FBXO28: variants seen among roughly 807,000 people sequenced by gnomAD.
FBXO28 encodes the protein F-box only protein 28.
FBXO28 carries 8 observed loss-of-function variants against 38.1 expected under a neutral mutation model. The ratio of observed to expected loss-of-function variants is 0.21; its 90% CI spans 0.12 to 0.38. FBXO28 has a LOEUF of 0.38. FBXO28 is among the 10% of genes least tolerant of loss of function. The pLI is 1.00. For missense variants in FBXO28, 345 were observed against 460.6 expected (o/e 0.75, Z 2.30); for synonymous variants, 168 against 173.8 (o/e 0.97, Z 0.26).
In FBXO28 at chr1:224,114,123, C is replaced by G. The variant is rs1451303604; in HGVS notation, c.-7C>G. 6.5e-7 allele frequency: 1 copy of G among 1,536,020 alleles called. No individual in the cohort carries two copies. ...TTGCTGTGGGGGTAAGGAATCAAGC[C>G]CCCAAGATGGCGGCAGCGGCGGAGG... On this transcript the variant is annotated 5_prime_UTR_variant, in exon 1 of 5. Transcript: ENST00000366862.
chr1:224,154,640 C>T (rs1657726936), intron 4 of FBXO28, among the ~76,000 whole-genome samples: 1 of 149,902 alleles, frequency 6.7e-6, no homozygotes, highest in South Asian at 2.1e-4. Context: ...AACCCCGTCT[C>T]TACTAAAAAT....
At chr1:224,119,338 C>T (rs1052582087) in intron 1 of FBXO28, among the ~76,000 whole-genome samples, 2 of 151,310 alleles carry the variant, frequency 1.3e-5, no homozygotes, top group Non-Finnish European at 2.9e-5. Flanking sequence ...GGGGTTTCAC[C>T]GTGTTAGCCA....
At chr1:224,121,564 A>G (rs1246494501) in intron 1 of FBXO28, among the ~76,000 whole-genome samples, 1 of 152,202 alleles carries the variant, frequency 6.6e-6, no homozygotes, top group Non-Finnish European at 1.5e-5. Flanking sequence ...ATCACAGCTC[A>G]CTGCAGCCTC....
chr1:224,138,868 G>A (rs1002300098), intron 3 of FBXO28, among the ~76,000 whole-genome samples: 5 of 151,504 alleles, frequency 3.3e-5, no homozygotes, highest in Non-Finnish European at 4.4e-5. Context: ...TGCAACCTCC[G>A]CCTCCTGGGT....
intron 1 of FBXO28, among the ~76,000 whole-genome samples, chr1:224,118,033 T>A (rs1477581809): frequency 4.7e-5 from 7 of 150,234 alleles, no homozygotes; most frequent in Admixed American, 4.6e-4. Context: ...TTATTTATTT[T>A]TAATTTTTGA....
intron 3 of FBXO28, among the ~76,000 whole-genome samples, chr1:224,152,449 AT>A (rs1423576139): frequency 6.6e-6 from 1 of 152,158 alleles, no homozygotes; most frequent in Non-Finnish European, 1.5e-5. Context: ...ACAGGATTTA[AT>A]TTCTTAGTTT....
At chr1:224,152,925 CAAAAAAAAA>C (rs57616453) in intron 3 of FBXO28, among the ~76,000 whole-genome samples, 178 of 64,912 alleles carry the variant, frequency 2.7e-3, no homozygotes, top group African/African-American at 0.01. Context: ...AACTCTGTCT[CAAAAAAAAA>C]AAAAAAAAAA....
intron 3 of FBXO28, among the ~76,000 whole-genome samples, chr1:224,136,123 A>G (rs867085651): frequency 5.0e-3 from 8 of 1,586 alleles, no homozygotes; most frequent in Non-Finnish European, 0.014. Flanking sequence ...TTTTTTTTTG[A>G]GATGGTGTCG....
intron 1 of FBXO28, among the ~76,000 whole-genome samples, chr1:224,126,810 AAAAT>A (rs1323470680): frequency 2.4e-4 from 36 of 152,318 alleles, no homozygotes; most frequent in Admixed American, 1.1e-3. Context: ...ACTCCCTCTA[AAAAT>A]AAATAAATAA....
intron 1 of FBXO28, among the ~76,000 whole-genome samples, chr1:224,116,554 A>T (rs1041968523): frequency 1.3e-5 from 2 of 152,190 alleles, no homozygotes; most frequent in Non-Finnish European, 2.9e-5. Context: ...GGGTAATATT[A>T]AGAACAGAAT....
In FBXO28 at chr1:224,161,540, A is replaced by G. The variant is rs1157885697; in HGVS notation, c.*3794A>G. The G allele has an allele frequency of 6.6e-6, 1 of 152,214 alleles. No homozygotes were observed. Among genetic ancestry groups the G allele is most frequent in the Non-Finnish European group, 1.5e-5 (1 of 68,034 alleles). 9.4% of individuals were successfully genotyped at this position (152,214 alleles called of 1,614,324 possible). A position where few individuals can be genotyped will look rare whatever the true frequency, so the allele number is the denominator to read the frequency against. ...AAAGGTTAAGTTAAAACTACTTTAA[A>G]CTTGTATAGCCTGCCATCTGAGGTG... On this transcript the variant is annotated 3_prime_UTR_variant, in exon 5 of 5. Transcript: ENST00000366862.
At chr1:224,116,071 T>G (rs533067037) in intron 1 of FBXO28, among the ~76,000 whole-genome samples, 3 of 152,328 alleles carry the variant, frequency 2.0e-5, no homozygotes, top group African/African-American at 7.2e-5. Context: ...AAATTTATAA[T>G]TTCAAACTCA....
chr1:224,142,290 T>C (rs1270168706), intron 3 of FBXO28, among the ~76,000 whole-genome samples: 1 of 149,964 alleles, frequency 6.7e-6, no homozygotes, highest in African/African-American at 2.5e-5. Context: ...AGGTAGAGGT[T>C]GCAGTGAGCT....
chr1:224,122,589 G>C (rs1047795014), intron 1 of FBXO28, among the ~76,000 whole-genome samples: 1 of 150,544 alleles, frequency 6.6e-6, no homozygotes, highest in African/African-American at 2.4e-5. Flanking sequence ...TCATGCCATT[G>C]ACTTTTTTTT....
chr1:224,136,295 G>A (rs1347751470), intron 3 of FBXO28, among the ~76,000 whole-genome samples: 2 of 151,162 alleles, frequency 1.3e-5, no homozygotes, highest in East Asian at 1.9e-4. Flanking sequence ...ATAAGGATGC[G>A]GCATTTAATT....
intron 3 of FBXO28, among the ~76,000 whole-genome samples, chr1:224,152,019 A>G (rs887336494): frequency 6.6e-6 from 1 of 151,506 alleles, no homozygotes; most frequent in Non-Finnish European, 1.5e-5. Context: ...TCCAGCCTGG[A>G]CAACACAGTG....
chr1:224,115,283 A>G (rs1325058710), intron 1 of FBXO28, among the ~76,000 whole-genome samples: 4 of 152,198 alleles, frequency 2.6e-5, no homozygotes, highest in African/African-American at 7.2e-5. Context: ...CTGCCTTTCA[A>G]TGAAATTATC....
intron 1 of FBXO28, among the ~76,000 whole-genome samples, chr1:224,116,410 A>G (rs912227816): frequency 1.3e-5 from 2 of 152,330 alleles, no homozygotes; most frequent in Middle Eastern, 3.4e-3. Context: ...TTAAGTAGCC[A>G]TTTATACCTA....
At chr1:224,143,855 AT>A (rs1657431643) in intron 3 of FBXO28, among the ~76,000 whole-genome samples, 1 of 150,134 alleles carries the variant, frequency 6.7e-6, no homozygotes, top group African/African-American at 2.5e-5. Flanking sequence ...AAAAAGAAAA[AT>A]GAATGAATAG....
Sources: allele counts gnomAD v4.1 joint callset (sites outside exome capture counted in the v4.1 genomes callset), GRCh38; gene constraint gnomAD v4.1.1; transcripts MANE v1.5; gene names NCBI Gene and HGNC (gene_info 2026-07-23, HGNC 2026-07-21).